Variants in PRKACA observed in about 807,000 individuals in gnomAD.
PRKACA encodes cAMP-dependent protein kinase catalytic subunit alpha.
A neutral mutation model predicts 45.8 loss-of-function variants in PRKACA; 9 were observed. The observed-to-expected ratio is 0.20, with a 90% CI of 0.12 to 0.34. The LOEUF (loss-of-function observed/expected upper bound fraction) is 0.34, where lower values mean the gene tolerates loss of function less well. Among genes scored for constraint, PRKACA ranks in the 10% least tolerant of loss-of-function variants. The probability of loss-of-function intolerance (pLI) is 1.00; values close to 1 mark genes in which losing one functional copy is unlikely to be tolerated. For synonymous variants in PRKACA, 160 were observed against 178.6 expected (o/e 0.90, Z 0.83); for missense variants, 238 against 458.6 (o/e 0.52, Z 4.39).
intron 1 of PRKACA, among the ~76,000 whole-genome samples, chr19:14,114,872 A>AG (rs1286097094): frequency 6.6e-6 from 1 of 152,148 alleles, no homozygotes; most frequent in African/African-American, 2.4e-5. Flanking sequence ...ATGGTACCAC[A>AG]GGGGACTGCA....
chr19:14,116,592 C>T (rs1967110116), intron 1 of PRKACA, among the ~76,000 whole-genome samples: 1 of 152,076 alleles, frequency 6.6e-6, no homozygotes, highest in Non-Finnish European at 1.5e-5. Flanking sequence ...TGTGAAACGA[C>T]CATTTATTGA....
rs1468947419 is a variant in PRKACA, at chr19:14,097,273, C to T, written c.765+88G>A. 1 of 1,594,546 alleles carries T rather than the reference C, an allele frequency of 6.3e-7. No homozygotes were observed. The highest frequency in any genetic ancestry group is 1.1e-5 in the South Asian group (1 of 90,130). ...TTAAGGAACTTCTAGATTATTCTGA[C>T]AACAAGCAGGGCTCCCCAGGGAATA... On this transcript the variant is annotated intron_variant, in intron 8 of 9. Transcript: ENST00000308677. This position sits in a 1 kb window ranked among gnomAD's most constrained non-coding sequence, Gnocchi z 5.4.
At chr19:14,106,960 CCCCTCT>C (rs1977630286) in intron 2 of PRKACA, 72 bp from the exon 3 acceptor site, 4 of 1,575,840 alleles carry the variant, frequency 2.5e-6, no homozygotes, top group South Asian at 2.3e-5. Flanking sequence ...TCTGGGGCAT[CCCCTCT>C]GCCACCGGCA....
chr19:14,107,018 CA>C, intron 2 of PRKACA, 130 bp from the exon 3 acceptor site: 2 of 1,217,592 alleles, frequency 1.6e-6, no homozygotes, highest in Non-Finnish European at 2.3e-6. Flanking sequence ...GGGGTGAGGA[CA>C]GGGGGCGGAA....
chr19:14,110,898 G>T (rs1270636046), intron 1 of PRKACA, among the ~76,000 whole-genome samples: 1 of 152,210 alleles, frequency 6.6e-6, no homozygotes, highest in African/African-American at 2.4e-5. Flanking sequence ...AGTGCACCAG[G>T]GTGGCCAATG....
chr19:14,092,428 T>G lies in PRKACA; in HGVS notation c.*684A>C, dbSNP rs1599330482. 1 of 384,004 alleles carries G rather than the reference T, an allele frequency of 2.6e-6. No individual in the cohort carries two copies. Among genetic ancestry groups the G allele is most frequent in the Non-Finnish European group, 4.6e-6 (1 of 217,462 alleles). 23.8% of individuals were successfully genotyped at this position (384,004 alleles called of 1,614,324 possible). A position where few individuals can be genotyped will look rare whatever the true frequency, so the allele number is the denominator to read the frequency against. ...CCAGGGGAGATTAGCAGCGGGGAGG[T>G]TCAAACCCCAGCGCCTCCCTTTCCA... On this transcript the variant is annotated 3_prime_UTR_variant, in exon 10 of 10. Transcript: ENST00000308677.
chr19:14,093,046 T>TGG lies in PRKACA; in HGVS notation c.*65_*66insCC. 7 of 85,296 alleles carry TGG rather than the reference T, an allele frequency of 8.2e-5. No homozygotes were observed. Among genetic ancestry groups the TGG allele is most frequent in the Non-Finnish European group, 1.3e-4 (6 of 45,340 alleles). 5.3% of individuals were successfully genotyped at this position (85,296 alleles called of 1,614,324 possible). A position where few individuals can be genotyped will look rare whatever the true frequency, so the allele number is the denominator to read the frequency against. ...GCCCTCTGGCTGTTCAATCCAACCC[T>TGG]CCCACCCCCCCGACCAAAAAAAAGA... is the stretch of plus-strand genomic sequence containing the variant. On this transcript the variant is annotated 3_prime_UTR_variant, in exon 10 of 10. Coordinates refer to ENST00000308677, the MANE Select transcript of PRKACA (RefSeq NM_002730.4).
At chr19:14,099,221 G>C (rs896402129) in intron 5 of PRKACA, among the ~76,000 whole-genome samples, 31 of 152,162 alleles carry the variant, frequency 2.0e-4, no homozygotes, top group African/African-American at 6.8e-4. Context: ...GAACCCGGGA[G>C]GCAGAGTTTG....
At chr19:14,095,806 G>A (rs934702560) in intron 8 of PRKACA, among the ~76,000 whole-genome samples, 4 of 152,126 alleles carry the variant, frequency 2.6e-5, no homozygotes, top group Non-Finnish European at 4.4e-5. Flanking sequence ...GTGAGCCACC[G>A]CGCCTGGCCT....
chr19:14,117,404 G>T, intron 1 of PRKACA, 98 bp downstream of exon 1: 3 of 1,169,670 alleles, frequency 2.6e-6, no homozygotes, highest in East Asian at 3.7e-5. Context: ...TAGGCAGAGA[G>T]GATGAGGGGC....
chr19:14,103,013 T>G, intron 3 of PRKACA, 99 bp from the exon 4 acceptor site: 2 of 946,246 alleles, frequency 2.1e-6, no homozygotes, highest in Non-Finnish European at 3.4e-6. Flanking sequence ...CCAGGCCGGT[T>G]CCTTCAGCCA....
chr19:14,103,877 G>A (rs970320737), intron 3 of PRKACA, among the ~76,000 whole-genome samples: 5 of 151,432 alleles, frequency 3.3e-5, no homozygotes, highest in African/African-American at 1.2e-4. Context: ...ACTAGCCTGG[G>A]CAATGTAGCG....
chr19:14,103,270 A>T (rs1977499964), intron 3 of PRKACA, among the ~76,000 whole-genome samples: 3 of 152,112 alleles, frequency 2.0e-5, no homozygotes, highest in Admixed American at 2.0e-4. Flanking sequence ...CGCTTTCTGG[A>T]GGAAGGGGCA....
At chr19:14,110,355 AT>A in intron 1 of PRKACA, among the ~76,000 whole-genome samples, 1 of 151,814 alleles carries the variant, frequency 6.6e-6, no homozygotes, top group South Asian at 2.1e-4. Flanking sequence ...AGTTGGGGGG[AT>A]TGCTTGAATA....
intron 1 of PRKACA, chr19:14,108,024 G>A (rs998607407): frequency 5.1e-6 from 5 of 985,894 alleles, no homozygotes; most frequent in Non-Finnish European, 6.0e-6. Context: ...GGCAGACCCT[G>A]TGCCGGCTGC....
At chr19:14,093,893 T>G (rs1977169457) in intron 8 of PRKACA, 101 bp from the exon 9 acceptor site, 9 of 1,276,434 alleles carry the variant, frequency 7.1e-6, no homozygotes, top group Non-Finnish European at 9.6e-6. Context: ...GGTGTGGGCC[T>G]CCAAAGCAGA....
intron 3 of PRKACA, among the ~76,000 whole-genome samples, chr19:14,105,157 G>T (rs1196542930): frequency 2.0e-5 from 3 of 152,154 alleles, no homozygotes; most frequent in Non-Finnish European, 2.9e-5. Flanking sequence ...TTTCATTAAT[G>T]ATATTTTCAC....
rs116003148 is a variant in PRKACA, at chr19:14,099,556, G to A, written c.419+1270C>T. Among the ~76,000 whole-genome samples the A allele has an allele frequency of 2.8e-3, 416 of 150,910 alleles. 2 individuals carry two copies. Among genetic ancestry groups the A allele is most frequent in the African/African-American group, 9.6e-3 (397 of 41,152 alleles). The stretch of plus-strand genomic sequence containing the variant: ...TCTTCCCACCTCAGCCTCCCCAGGA[G>A]CTGGGACTACAGGAATGTGCCACCA... On this transcript the variant is annotated intron_variant, in intron 5 of 9. Transcript: ENST00000308677.
At chr19:14,093,841 G>C (rs755063218) in intron 8 of PRKACA, 49 bp from the exon 9 acceptor site, 1 of 1,549,168 alleles carries the variant, frequency 6.5e-7, no homozygotes, top group African/African-American at 1.4e-5. Context: ...CTGGAACTTG[G>C]GAAGCCCATG....
Sources: allele counts gnomAD v4.1 joint callset (sites outside exome capture counted in the v4.1 genomes callset), GRCh38; gene constraint gnomAD v4.1.1; non-coding constraint Gnocchi (gnomAD v3.1); transcripts MANE v1.5; gene names NCBI Gene and HGNC (gene_info 2026-07-23, HGNC 2026-07-21).